AP1S3: variants seen among roughly 807,000 people sequenced by gnomAD.
AP1S3 encodes the protein adaptor related protein complex 1 subunit sigma 3, also known as AP-1 complex subunit sigma-3.
In AP1S3, 10 loss-of-function variants were observed where a neutral mutation model predicts 20.9. The ratio of observed to expected loss-of-function variants is 0.48; its 90% CI spans 0.29 to 0.81. AP1S3 has a LOEUF of 0.81. Ranked by LOEUF, AP1S3 falls within the 30% of genes least tolerant of loss-of-function variation. The probability of loss-of-function intolerance (pLI) is 0.08; values close to 1 mark genes in which losing one functional copy is unlikely to be tolerated. For missense variants in AP1S3, 154 were observed against 183.8 expected (o/e 0.84, Z 0.94); for synonymous variants, 41 against 61.5 (o/e 0.67, Z 1.56).
chr2:223,824,288 C>G (rs77109283), intron 1 of AP1S3, among the ~76,000 whole-genome samples: 4,286 of 152,132 alleles, frequency 0.028, 184 homozygotes, highest in African/African-American at 0.097. Context: ...TAGATGTGAG[C>G]TACTGGGCCC....
rs1690819633 is a variant in AP1S3 at position 223,777,681 on chromosome 2, T to C, written c.182+10A>G. 1 of 1,609,544 alleles carries C rather than the reference T, an allele frequency of 6.2e-7. No homozygotes were observed. The highest frequency in any genetic ancestry group is 8.5e-7 in the Non-Finnish European group (1 of 1,178,202). ...ACTGAGAAATTGAGCTCTCAAAAAG[T>C]TACTCACACCTTTTATAAACAAGTT... On this transcript the variant is annotated intron_variant, in intron 2 of 4. Transcript: ENST00000396654.
chr2:223,776,042 A>G, intron 2 of AP1S3, 33 bp from the exon 3 acceptor site: 3 of 1,550,200 alleles, frequency 1.9e-6, no homozygotes, highest in Non-Finnish European at 2.7e-6. Flanking sequence ...GCAAAATATG[A>G]CAATACATTA....
intron 1 of AP1S3, among the ~76,000 whole-genome samples, chr2:223,790,394 G>A (rs1691188380): frequency 6.6e-6 from 1 of 151,962 alleles, no homozygotes; most frequent in South Asian, 2.1e-4. Flanking sequence ...ACCATGCCTG[G>A]CTAATTTTTT....
In AP1S3 at chr2:223,774,697, A is replaced by G. The variant is rs1248150781; in HGVS notation, c.291+1204T>C. ...AGTGAGAGTGGAAAGAAGGAAATGA[A>G]TGTCAGCCCAATTTGAATAGACAGA... On this transcript the variant is annotated intron_variant, in intron 3 of 4. Transcript: ENST00000396654. 2.6e-5 allele frequency among the ~76,000 whole-genome samples: 4 copies of G among 152,338 alleles called. No individual in the cohort carries two copies. The East Asian group carries it at 7.7e-4, about 29-fold the overall frequency.
chr2:223,834,592 A>C (rs981872716), intron 1 of AP1S3, among the ~76,000 whole-genome samples: 1 of 151,798 alleles, frequency 6.6e-6, no homozygotes, highest in African/African-American at 2.4e-5. Flanking sequence ...TTGTCTCAAA[A>C]TAAATAAATA....
intron 1 of AP1S3, among the ~76,000 whole-genome samples, chr2:223,811,615 AT>A (rs1210675133): frequency 6.6e-6 from 1 of 151,642 alleles, no homozygotes; most frequent in Non-Finnish European, 1.5e-5. Context: ...CCCTTTGCCC[AT>A]TTTTTCATCA....
chr2:223,818,605 T>G (rs1691913614), intron 1 of AP1S3, among the ~76,000 whole-genome samples: 1 of 152,094 alleles, frequency 6.6e-6, no homozygotes, highest in South Asian at 2.1e-4. Context: ...CAGGCAGGAA[T>G]GCAGTGGTGC....
intron 1 of AP1S3, 37 bp downstream of exon 1, chr2:223,837,411 C>T (rs917800284): frequency 5.9e-6 from 7 of 1,191,982 alleles, no homozygotes; most frequent in African/African-American, 3.2e-5. Flanking sequence ...CGAGCGCCCC[C>T]ACCGCCTACC....
At chr2:223,805,695 T>C (rs544443597) in intron 1 of AP1S3, among the ~76,000 whole-genome samples, 2 of 152,356 alleles carry the variant, frequency 1.3e-5, no homozygotes, top group East Asian at 3.9e-4. Context: ...TTAACGTGTT[T>C]TGAAATAGCT....
At chr2:223,797,608 A>G (rs532407001) in intron 1 of AP1S3, among the ~76,000 whole-genome samples, 49 of 152,186 alleles carry the variant, frequency 3.2e-4, no homozygotes, top group African/African-American at 8.4e-4. Flanking sequence ...CTAAAAATAC[A>G]AAAATTAGCC....
intron 1 of AP1S3, among the ~76,000 whole-genome samples, chr2:223,818,626 CA>C (rs774412251): frequency 3.3e-5 from 5 of 152,192 alleles, no homozygotes; most frequent in Non-Finnish European, 5.9e-5. Flanking sequence ...AATCTCAACT[CA>C]TTGCAACCTC....
intron 1 of AP1S3, among the ~76,000 whole-genome samples, chr2:223,780,817 G>A (rs1398079198): frequency 6.6e-6 from 1 of 151,862 alleles, no homozygotes; most frequent in Non-Finnish European, 1.5e-5. Flanking sequence ...TTAGATTCAG[G>A]AGTATATGTG....
chr2:223,837,027 G>C (rs533339039), intron 1 of AP1S3, among the ~76,000 whole-genome samples: 1 of 152,192 alleles, frequency 6.6e-6, no homozygotes, highest in African/African-American at 2.4e-5. Context: ...ACTTTACAGC[G>C]CTTCTTACTT....
At chr2:223,801,569 C>T (rs1344638333) in intron 1 of AP1S3, among the ~76,000 whole-genome samples, 10 of 152,234 alleles carry the variant, frequency 6.6e-5, no homozygotes, top group East Asian at 3.9e-4. Flanking sequence ...CTCAGCCTCC[C>T]GTGTAGCTGG....
At chr2:223,817,784 C>G (rs1437088484) in intron 1 of AP1S3, among the ~76,000 whole-genome samples, 2 of 151,928 alleles carry the variant, frequency 1.3e-5, no homozygotes, top group Non-Finnish European at 1.5e-5. Flanking sequence ...CCCACTAACT[C>G]TTACTACTCT....
Position 223,832,133 on chromosome 2 carries a change from C to CTGTGTG in AP1S3, c.3+5314_3+5315insCACACA, listed in dbSNP as rs1482045373. 9.1e-4 allele frequency among the ~76,000 whole-genome samples: 39 copies of CTGTGTG among 42,998 alleles called. 2 individuals are homozygous for CTGTGTG. The highest frequency in any genetic ancestry group is 2.0e-3 in the African/African-American group (25 of 12,616). 28.2% of individuals were successfully genotyped at this position (42,998 alleles called of 152,430 possible). A position where few individuals can be genotyped will look rare whatever the true frequency, so the allele number is the denominator to read the frequency against. On this transcript the variant is annotated intron_variant, in intron 1 of 4. Coordinates refer to ENST00000396654, the MANE Select transcript of AP1S3 (RefSeq NM_001039569.2). Reference sequence around the variant, plus strand: ...CTGGGGATTATTAAAGGAGTTTTCTCTCTGTGTGTGTGTGTGTGTGTGTGT... The same window carrying CTGTGTG: ...CTGGGGATTATTAAAGGAGTTTTCTCTGTGTGTCTGTGTGTGTGTGTGTGTGTGTGT...
intron 1 of AP1S3, among the ~76,000 whole-genome samples, chr2:223,780,357 A>AGAGAGAGTGTGTGTGT (rs1559280905): frequency 2.2e-5 from 1 of 44,448 alleles, no homozygotes. Flanking sequence ...AGAGAGAGAG[A>AGAGAGAGTGTGTGTGT]GTGTGTGTGT....
At chr2:223,799,582 T>C (rs1691420548) in intron 1 of AP1S3, among the ~76,000 whole-genome samples, 1 of 152,148 alleles carries the variant, frequency 6.6e-6, no homozygotes, top group African/African-American at 2.4e-5. Context: ...CAATTCCATA[T>C]TATAAAACCA....
At chr2:223,798,186 A>G (rs1338445630) in intron 1 of AP1S3, among the ~76,000 whole-genome samples, 5 of 152,242 alleles carry the variant, frequency 3.3e-5, no homozygotes, top group African/African-American at 1.2e-4. Context: ...CAATCTCAGA[A>G]TGTCATTTTT....
Sources: allele counts gnomAD v4.1 joint callset (sites outside exome capture counted in the v4.1 genomes callset), GRCh38; gene constraint gnomAD v4.1.1; transcripts MANE v1.5; gene names NCBI Gene and HGNC (gene_info 2026-07-23, HGNC 2026-07-21).